Variants in TLN2 observed in about 807,000 individuals in gnomAD.
TLN2 encodes the protein talin 2, also known as talin-2.
Under a neutral mutation model 294.7 loss-of-function variants are expected in TLN2, and 118 were observed. The ratio of observed to expected loss-of-function variants is 0.40; its 90% CI spans 0.34 to 0.47. The LOEUF (loss-of-function observed/expected upper bound fraction) is 0.47, where lower values mean the gene tolerates loss of function less well. TLN2 is among the 20% of genes least tolerant of loss of function. The pLI, the probability that TLN2 is intolerant of heterozygous loss-of-function variation, is 0.84. For missense variants in TLN2, 3,083 were observed against 3,282.2 expected (o/e 0.94, Z 1.48); for synonymous variants, 1,431 against 1,304.5 (o/e 1.10, Z -2.09).
At chr15:62,723,909 G>A (rs755174876) in intron 26 of TLN2, among the ~76,000 whole-genome samples, 2 of 152,012 alleles carry the variant, frequency 1.3e-5, no homozygotes, top group Non-Finnish European at 2.9e-5. Context: ...AGCACTTTGG[G>A]AGGCCAAGGT....
intron 1 of TLN2, among the ~76,000 whole-genome samples, chr15:62,402,375 C>T (rs1429484181): frequency 1.3e-5 from 2 of 152,194 alleles, no homozygotes; most frequent in East Asian, 3.8e-4. Flanking sequence ...CTTATTGCCT[C>T]TAGTACTTGG....
At position 62,641,081 on chromosome 15, in the gene TLN2, C is replaced by T. The variant is rs151121128; in HGVS notation, c.-36-6194C>T. ...CCTCCCAAAGTACTAGGATTACAGG[C>T]ATGAGCCACTGCACCCAGCCCACAG... On this transcript the variant is annotated intron_variant, in intron 3 of 58. Transcript: ENST00000636159. Among the ~76,000 whole-genome samples, 1,454 of 152,084 alleles carry T rather than the reference C, an allele frequency of 9.6e-3. 18 individuals are homozygous for T. The highest frequency in any genetic ancestry group is 0.032 in the African/African-American group (1,324 of 41,464).
intron 1 of TLN2, among the ~76,000 whole-genome samples, chr15:62,581,992 C>A (rs1396534264): frequency 6.7e-6 from 1 of 150,258 alleles, no homozygotes; most frequent in Non-Finnish European, 1.5e-5. Flanking sequence ...TGCAGTGAGC[C>A]AAGATTGTGC....
intron 1 of TLN2, among the ~76,000 whole-genome samples, chr15:62,550,762 C>A (rs1284520033): frequency 1.3e-5 from 2 of 152,190 alleles, no homozygotes; most frequent in Non-Finnish European, 2.9e-5. Flanking sequence ...ATTCTGCAAA[C>A]TGCTTGGAGT....
chr15:62,593,882 G>A (rs184561210), intron 2 of TLN2, among the ~76,000 whole-genome samples: 41 of 152,286 alleles, frequency 2.7e-4, no homozygotes, highest in Non-Finnish European at 4.0e-4. Flanking sequence ...CCTGATAAAC[G>A]TTGAGGAAAA....
intron 1 of TLN2, among the ~76,000 whole-genome samples, chr15:62,579,586 G>A (rs2044732726): frequency 3.3e-5 from 5 of 152,138 alleles, no homozygotes; most frequent in Admixed American, 3.3e-4. Flanking sequence ...TTGGCTCACG[G>A]CATCAGGCAG....
chr15:62,574,579 CAAAAAAAAAAAAAAAAAAAAAAAAAAAA>C (rs56279063), intron 1 of TLN2, among the ~76,000 whole-genome samples: 1 of 46,492 alleles, frequency 2.2e-5, no homozygotes, highest in South Asian at 1.0e-3. Context: ...GACCCTGTCT[CAAAAAAAAAAAAAAAAAAAAAAAAAAAA>C]AAAAAAAAAA....
At position 62,750,476 on chromosome 15, in the gene TLN2, G is replaced by A. The variant is rs1442424767; in HGVS notation, c.4194G>A (p.Val1398=). The A allele has an allele frequency of 6.2e-7, 1 of 1,614,032 alleles. No individual in the cohort carries two copies. The highest frequency in any genetic ancestry group is 1.3e-5 in the African/African-American group (1 of 74,938). Residue 1398 remains valine (V), a synonymous_variant, in exon 34 of 59, where the codon GTG becomes GTA. Transcript: ENST00000636159. ...CTTACTTTGACTGCATTGAGAGTGT[G>A]ATGGAAAACTCCAAGGTAAGACTGC... ...DLSYFDCIES[V]MENSKVLGES...
chr15:62,435,426 T>TTTATATGC (rs1356698075), intron 1 of TLN2, among the ~76,000 whole-genome samples: 2 of 152,350 alleles, frequency 1.3e-5, no homozygotes, highest in African/African-American at 4.8e-5. Flanking sequence ...GTTGACTGTC[T>TTTATATGC]TTATATGCTT....
At chr15:62,531,924 C>T (rs2041061434) in intron 1 of TLN2, among the ~76,000 whole-genome samples, 1 of 152,174 alleles carries the variant, frequency 6.6e-6, no homozygotes, top group Non-Finnish European at 1.5e-5. Context: ...GTTTGGGAAT[C>T]ATTGTCTTGT....
chr15:62,546,709 G>C (rs1012566116), intron 1 of TLN2, among the ~76,000 whole-genome samples: 1 of 152,234 alleles, frequency 6.6e-6, no homozygotes, highest in African/African-American at 2.4e-5. Context: ...AATCAGTTTG[G>C]TCAGTGGCCA....
chr15:62,483,426 CATTTCT>C (rs1322548247), intron 1 of TLN2, among the ~76,000 whole-genome samples: 2 of 152,192 alleles, frequency 1.3e-5, no homozygotes, highest in Non-Finnish European at 2.9e-5. Context: ...GGGCCAGAAC[CATTTCT>C]AGTGCAAGTT....
intron 1 of TLN2, among the ~76,000 whole-genome samples, chr15:62,548,111 A>T (rs1004184814): frequency 1.3e-5 from 2 of 152,180 alleles, no homozygotes; most frequent in African/African-American, 4.8e-5. Context: ...ATGACAACTA[A>T]TATCGATAAT....
chr15:62,726,306 C>G (rs545828943), intron 27 of TLN2, among the ~76,000 whole-genome samples: 5 of 152,314 alleles, frequency 3.3e-5, no homozygotes, highest in Non-Finnish European at 5.9e-5. Flanking sequence ...AGCATTGCCT[C>G]TCTTGGAAAA....
intron 1 of TLN2, among the ~76,000 whole-genome samples, chr15:62,437,967 T>C (rs1288076260): frequency 7.2e-5 from 11 of 152,334 alleles, no homozygotes; most frequent in Non-Finnish European, 8.8e-5. Context: ...CACACATCTA[T>C]GGACCATCCC....
At chr15:62,800,813 A>G (rs1051361276) in intron 50 of TLN2, 44 bp downstream of exon 50, 1 of 1,530,630 alleles carries the variant, frequency 6.5e-7, no homozygotes. Flanking sequence ...AGAGTCCCAC[A>G]GCTGACCCCA....
chr15:62,838,749 G>A (rs772345239), intron 57 of TLN2, 107 bp from the exon 58 acceptor site: 1 of 1,422,698 alleles, frequency 7.0e-7, no homozygotes, highest in South Asian at 1.4e-5. Flanking sequence ...GTTATAATTG[G>A]ATAATCAATT....
chr15:62,410,407 C>T (rs1016135655), intron 1 of TLN2, among the ~76,000 whole-genome samples: 2 of 152,168 alleles, frequency 1.3e-5, no homozygotes, highest in South Asian at 4.2e-4. Context: ...AGAACTGTAT[C>T]CCTAAAAAGG....
intron 1 of TLN2, among the ~76,000 whole-genome samples, chr15:62,532,120 G>T (rs1249580096): frequency 6.6e-6 from 1 of 151,708 alleles, no homozygotes; most frequent in Admixed American, 6.6e-5. Context: ...GGCAAACAAG[G>T]TTCACTATAG....
Sources: allele counts gnomAD v4.1 joint callset (sites outside exome capture counted in the v4.1 genomes callset), GRCh38; gene constraint gnomAD v4.1.1; transcripts MANE v1.5; gene names NCBI Gene and HGNC (gene_info 2026-07-23, HGNC 2026-07-21).